GRIK4: variants seen among roughly 807,000 people sequenced by gnomAD.
GRIK4 encodes the protein glutamate receptor ionotropic, kainate 4.
Under a neutral mutation model 104.9 loss-of-function variants are expected in GRIK4, and 40 were observed. The ratio of observed to expected loss-of-function variants is 0.38; its 90% confidence interval spans 0.30 to 0.50. The LOEUF (loss-of-function observed/expected upper bound fraction) is 0.50. GRIK4 is among the 20% of genes least tolerant of loss of function. GRIK4 has a pLI of 0.93. For synonymous variants in GRIK4, 485 were observed against 524.9 expected, an observed-to-expected ratio of 0.92 and a Z score of 1.04; for missense variants, 1,047 against 1,308.1, an observed-to-expected ratio of 0.80 and a Z score of 3.08.
chr11:120,829,512 G>T (rs1191284983), intron 6 of GRIK4, among the ~76,000 whole-genome samples: 1 of 152,162 alleles, frequency 6.6e-6, no homozygotes, highest in East Asian at 1.9e-4. Context: ...TCTCTGCCTG[G>T]TGTCCTGTCT....
At chr11:120,817,695 CAGAGA>C (rs2135538876) in intron 5 of GRIK4, among the ~76,000 whole-genome samples, 1 of 152,332 alleles carries the variant, frequency 6.6e-6, no homozygotes, top group East Asian at 1.9e-4. Context: ...ATCTTTGTCC[CAGAGA>C]GGGAACCATA....
chr11:120,899,234 C>T (rs7106413), intron 12 of GRIK4, among the ~76,000 whole-genome samples: 27,406 of 151,602 alleles, frequency 0.18, 2,800 homozygotes, highest in East Asian at 0.43. Context: ...CTGGCCAACA[C>T]GGCGAAACCC....
chr11:120,689,411 A>G (rs1950322563), intron 3 of GRIK4, among the ~76,000 whole-genome samples: 1 of 152,086 alleles, frequency 6.6e-6, no homozygotes, highest in Non-Finnish European at 1.5e-5. Flanking sequence ...TTTATGAAAT[A>G]CCAACTCCTT....
Position 120,616,769 on chromosome 11 carries a change from A to G in GRIK4, c.-158-36916A>G, listed in dbSNP as rs7933573. 8.7e-3 allele frequency among the ~76,000 whole-genome samples: 1,325 copies of G among 152,328 alleles called. 24 individuals carry two copies. Among genetic ancestry groups the G allele is most frequent in the African/African-American group, 0.03 (1,251 of 41,570 alleles). On this transcript the variant is annotated intron_variant, in intron 1 of 20. Coordinates refer to ENST00000527524, the MANE Select transcript of GRIK4 (RefSeq NM_014619.5). ...TGGGAGTGGGCTGCTCAGATTTTAC[A>G]AGATAACCCTTTTGTCTCAGGCAAT...
chr11:120,532,382 T>G (rs1449950845), intron 1 of GRIK4, among the ~76,000 whole-genome samples: 1 of 152,186 alleles, frequency 6.6e-6, no homozygotes, highest in Non-Finnish European at 1.5e-5. Flanking sequence ...CCTGTGGTAT[T>G]GTCAGGGAAT....
Position 120,827,487 on chromosome 11 carries a change from G to T in GRIK4, c.512-4365G>T, listed in dbSNP as rs555345717. On this transcript the variant is annotated intron_variant, in intron 6 of 20. Transcript: ENST00000527524. ...TGGGCCATGGTCTGGAAGGAGAGGAGGGTGGGGGTGGAAGTGGATGGGGTG... is the reference window on the plus strand; with the variant it reads ...TGGGCCATGGTCTGGAAGGAGAGGATGGTGGGGGTGGAAGTGGATGGGGTG... Among the ~76,000 whole-genome samples, 323 of 152,378 alleles carry T rather than the reference G, an allele frequency of 2.1e-3. 3 individuals carry two copies. Among genetic ancestry groups the T allele is most frequent in the Non-Finnish European group, 3.5e-4 (24 of 68,040 alleles).
At chr11:120,763,075 G>C (rs1460165852) in intron 3 of GRIK4, among the ~76,000 whole-genome samples, 3 of 152,012 alleles carry the variant, frequency 2.0e-5, no homozygotes, top group Non-Finnish European at 4.4e-5. Context: ...GTCTTGTCCT[G>C]GGCTTTTTAT....
At chr11:120,724,907 T>C (rs1951001374) in intron 3 of GRIK4, among the ~76,000 whole-genome samples, 1 of 152,226 alleles carries the variant, frequency 6.6e-6, no homozygotes, top group African/African-American at 2.4e-5. Context: ...CCTGTATTAG[T>C]CTGAATTTGT....
intron 1 of GRIK4, among the ~76,000 whole-genome samples, chr11:120,533,853 G>C (rs1279745918): frequency 6.6e-6 from 1 of 152,102 alleles, no homozygotes. Context: ...CTCCAGCCTG[G>C]GTGACAGAGC....
chr11:120,604,694 G>A (rs1279658670), intron 1 of GRIK4, among the ~76,000 whole-genome samples: 12 of 152,240 alleles, frequency 7.9e-5, no homozygotes. Context: ...AGCCAGAGCT[G>A]GAGAAAACAG....
At chr11:120,538,594 TG>T (rs1476605617) in intron 1 of GRIK4, among the ~76,000 whole-genome samples, 2 of 152,240 alleles carry the variant, frequency 1.3e-5, no homozygotes, top group African/African-American at 4.8e-5. Flanking sequence ...CGCTTACGGC[TG>T]GCTGGGCAGA....
chr11:120,713,452 T>C (rs1950774719), intron 3 of GRIK4, among the ~76,000 whole-genome samples: 1 of 152,170 alleles, frequency 6.6e-6, no homozygotes, highest in Non-Finnish European at 1.5e-5. Flanking sequence ...GGGCCACCCT[T>C]GCGTCACTGA....
intron 3 of GRIK4, among the ~76,000 whole-genome samples, chr11:120,787,852 CTTTTTTTTTTTTTTT>C (rs58523604): frequency 5.2e-5 from 4 of 77,112 alleles, no homozygotes; most frequent in East Asian, 6.4e-4. Flanking sequence ...CTTTTCTTTT[CTTTTTTTTTTTTTTT>C]TTTTTTTTTT....
chr11:120,570,729 T>C (rs2135071840), intron 1 of GRIK4, among the ~76,000 whole-genome samples: 1 of 152,364 alleles, frequency 6.6e-6, no homozygotes, highest in East Asian at 1.9e-4. Flanking sequence ...GTGCTAGGAT[T>C]ACAGGTGTGA....
chr11:120,623,358 C>T (rs1949213056), intron 1 of GRIK4, among the ~76,000 whole-genome samples: 1 of 152,106 alleles, frequency 6.6e-6, no homozygotes, highest in East Asian at 1.9e-4. Context: ...GTCTTGGCCT[C>T]CTGGGCTCAA....
chr11:120,756,687 T>C (rs1375329707), intron 3 of GRIK4, among the ~76,000 whole-genome samples: 1 of 152,200 alleles, frequency 6.6e-6, no homozygotes. Flanking sequence ...TATTTTCCAT[T>C]GATCTATAGG....
At chr11:120,834,589 C>T in intron 7 of GRIK4, among the ~76,000 whole-genome samples, 1 of 136,864 alleles carries the variant, frequency 7.3e-6, no homozygotes, top group South Asian at 2.4e-4. Flanking sequence ...AACAGGGCCT[C>T]TCAGGGCCTC....
intron 1 of GRIK4, among the ~76,000 whole-genome samples, chr11:120,548,153 C>T (rs973330743): frequency 3.3e-5 from 5 of 152,180 alleles, no homozygotes; most frequent in African/African-American, 1.2e-4. Flanking sequence ...CTGAGGCCCA[C>T]GCTGTCTCCC....
chr11:120,694,813 C>G (rs1254848680), intron 3 of GRIK4, among the ~76,000 whole-genome samples: 1 of 152,190 alleles, frequency 6.6e-6, no homozygotes, highest in Non-Finnish European at 1.5e-5. Context: ...TGATTAATAT[C>G]TAAGCCCTTT....
Sources: gnomAD v4.1 joint callset for allele counts (sites outside exome capture counted in the v4.1 genomes callset) on GRCh38, gnomAD v4.1.1 for gene constraint, MANE v1.5 for transcripts, NCBI Gene and HGNC (gene_info 2026-07-23, HGNC 2026-07-21) for gene names.